The following KAT7 variants were observed in gnomAD, a reference collection of about 807,000 sequenced individuals.
KAT7 encodes histone acetyltransferase KAT7.
KAT7 carries 10 observed loss-of-function variants against 82.1 expected under a neutral mutation model. That is an observed-to-expected ratio of 0.12 (90% CI 0.08 to 0.21). The LOEUF (loss-of-function observed/expected upper bound fraction) is 0.21. KAT7 is among the 10% of genes least tolerant of loss of function. The pLI, the probability that KAT7 is intolerant of heterozygous loss-of-function variation, is 1.00. For synonymous variants in KAT7, 250 were observed against 262.5 expected (o/e 0.95, Z 0.46); for missense variants, 378 against 760.9 (o/e 0.50, Z 5.92).
chr17:49,791,924 C>A lies in KAT7; in HGVS notation c.54C>A (p.Ser18=). The A allele has an allele frequency of 6.2e-7, 1 of 1,614,132 alleles. No individual in the cohort carries two copies. Among genetic ancestry groups the A allele is most frequent in the Non-Finnish European group, 8.5e-7 (1 of 1,179,976 alleles). ...GTAGTTCAGATGGAACCGAAGATTCCGATTTTTCTACAGATCTCGAGCACA... is the reference window on the plus strand; with the variant it reads ...GTAGTTCAGATGGAACCGAAGATTCAGATTTTTCTACAGATCTCGAGCACA... The part of the protein sequence containing the change: ...AGSSSDGTED[S]DFSTDLEHTD... Residue 18 remains serine (S), a synonymous_variant, in exon 2 of 15, where the codon TCC becomes TCA. Coordinates refer to ENST00000259021, the MANE Select transcript of KAT7 (RefSeq NM_007067.5).
Position 49,803,429 on chromosome 17 carries a change from T to A in KAT7, c.581-1934T>A, listed in dbSNP as rs139501706. Among the ~76,000 whole-genome samples the A allele has an allele frequency of 1.5e-3, 232 of 151,314 alleles. 1 individual carries two copies. Among genetic ancestry groups the A allele is most frequent in the East Asian group, 4.5e-3 (23 of 5,114 alleles). ...TTGCATTTTTAAAATTTATTTATTTTATTTTATTTTTTTGAGATGGAGTCT... is the reference window on the plus strand; with the variant it reads ...TTGCATTTTTAAAATTTATTTATTTAATTTTATTTTTTTGAGATGGAGTCT... On this transcript the variant is annotated intron_variant, in intron 4 of 14. Coordinates refer to ENST00000259021, the MANE Select transcript of KAT7 (RefSeq NM_007067.5).
chr17:49,809,045 C>T, intron 5 of KAT7, 74 bp from the exon 6 acceptor site: 1 of 1,122,884 alleles, frequency 8.9e-7, no homozygotes, highest in South Asian at 1.3e-5. Context: ...AAGGCATTAT[C>T]ATTGTATTCT....
intron 1 of KAT7, among the ~76,000 whole-genome samples, chr17:49,790,497 G>A (rs1285664503): frequency 6.6e-6 from 1 of 151,950 alleles, no homozygotes; most frequent in East Asian, 1.9e-4. Flanking sequence ...ACGCCCGGCC[G>A]GTGGTATGTA....
chr17:49,809,262 A>G (rs1474155091), intron 6 of KAT7, 54 bp downstream of exon 6: 2 of 1,302,752 alleles, frequency 1.5e-6, no homozygotes. Flanking sequence ...CGTTTCTTGG[A>G]TCTCCTCTAT....
chr17:49,805,419 C>A lies in KAT7; in HGVS notation c.637C>A (p.His213Asn). ...CTCCATCTCAGGATGCCCACTGTAT[C>A]ATAACCTCTCAGCTGACGAATGCAA... ...HFSISGCPLYHNLSADECKVR... is the reference protein window; with the variant it reads ...HFSISGCPLYNNLSADECKVR... Residue 213 changes from histidine to asparagine, a missense_variant, in exon 5 of 15, where the codon CAT (histidine) becomes AAT (asparagine). Coordinates refer to ENST00000259021, the MANE Select transcript of KAT7 (RefSeq NM_007067.5). 1.2e-6 allele frequency: 2 copies of A among 1,612,218 alleles called. No homozygotes were observed. Among genetic ancestry groups the A allele is most frequent in the Non-Finnish European group, 8.5e-7 (1 of 1,178,324 alleles).
intron 13 of KAT7, 53 bp downstream of exon 13, chr17:49,826,199 A>G (rs1235883252): frequency 6.5e-6 from 10 of 1,542,480 alleles, no homozygotes; most frequent in African/African-American, 4.1e-5. Flanking sequence ...AGTTAACTCT[A>G]CTGGGTATTG....
chr17:49,812,864 G>A (rs999233660), intron 7 of KAT7, among the ~76,000 whole-genome samples: 23 of 151,140 alleles, frequency 1.5e-4, no homozygotes, highest in Non-Finnish European at 2.5e-4. Flanking sequence ...CACCACACCC[G>A]GCTAATTTTT....
chr17:49,822,839 AC>A (rs1042972844), intron 11 of KAT7, among the ~76,000 whole-genome samples: 1 of 152,088 alleles, frequency 6.6e-6, no homozygotes, highest in Non-Finnish European at 1.5e-5. Context: ...ATGGGGACTT[AC>A]AGTGGTGTTT....
intron 7 of KAT7, among the ~76,000 whole-genome samples, chr17:49,812,377 A>C (rs2074178376): frequency 6.6e-6 from 1 of 151,046 alleles, no homozygotes; most frequent in South Asian, 2.1e-4. Context: ...GACATGTGCC[A>C]CCACGCCCAG....
rs1204827269 is a variant in KAT7, at chr17:49,834,548, CTT to C, written c.*7048_*7049del. The C allele has an allele frequency of 6.6e-6, 1 of 152,256 alleles. No individual in the cohort carries two copies. Among genetic ancestry groups the C allele is most frequent in the Non-Finnish European group, 1.5e-5 (1 of 68,050 alleles). 9.4% of individuals were successfully genotyped at this position (152,256 alleles called of 1,614,324 possible). On this transcript the variant is annotated 3_prime_UTR_variant, in exon 15 of 15. Coordinates refer to ENST00000259021, the MANE Select transcript of KAT7 (RefSeq NM_007067.5). ...TTCATGTTTATCCTGGCTTTCAAGT[CTT>C]TCCGTAAGCTGACTCAACCTACATA...
At chr17:49,810,892 G>A (rs1248769484) in intron 6 of KAT7, among the ~76,000 whole-genome samples, 1 of 152,086 alleles carries the variant, frequency 6.6e-6, no homozygotes, top group South Asian at 2.1e-4. Flanking sequence ...CCAGTTACAT[G>A]GAAGACTGAG....
Position 49,788,758 on chromosome 17 carries a change from C to G in KAT7, c.-77C>G. The G allele has an allele frequency of 6.6e-7, 1 of 1,506,646 alleles. No homozygotes were observed. Among genetic ancestry groups the G allele is most frequent in the Non-Finnish European group, 9.0e-7 (1 of 1,114,688 alleles). The allele number at this position is 1,506,646 out of a possible 1,614,324, so 93.3% of individuals were successfully genotyped here. ...ATTGGGACTGATACAGAGGCCGCCACGGAGCCCGCCGGAGCCACCGTTCCT... is the reference window on the plus strand; with the variant it reads ...ATTGGGACTGATACAGAGGCCGCCAGGGAGCCCGCCGGAGCCACCGTTCCT... On this transcript the variant is annotated 5_prime_UTR_variant, in exon 1 of 15. Transcript: ENST00000259021.
chr17:49,820,460 G>A (rs2074288673), intron 9 of KAT7, among the ~76,000 whole-genome samples: 1 of 152,036 alleles, frequency 6.6e-6, no homozygotes, highest in Admixed American at 6.6e-5. Flanking sequence ...TGTATTTTTA[G>A]TAGAGACGGG....
rs1489353235 is a variant in KAT7 at position 49,821,408 on chromosome 17, G to A, written c.1227G>A (p.Val409=). 6.2e-7 allele frequency: 1 copy of A among 1,613,486 alleles called. No homozygotes were observed. Among genetic ancestry groups the A allele is most frequent in the Non-Finnish European group, 8.5e-7 (1 of 1,179,838 alleles). ...YRKGSISVFE[V]DGKKNKIYCQ... ...AAGGTTCAATCTCTGTGTTTGAAGTGGATGGCAAGAAAAACAAGGTAAAAA... is the reference window on the plus strand; with the variant it reads ...AAGGTTCAATCTCTGTGTTTGAAGTAGATGGCAAGAAAAACAAGGTAAAAA... Residue 409 remains valine (V), a synonymous_variant, in exon 10 of 15, where the codon GTG becomes GTA. Transcript: ENST00000259021.
chr17:49,824,738 T>A (rs2074348235), intron 12 of KAT7: 1 of 152,218 alleles, frequency 6.6e-6, no homozygotes. Context: ...TATCTTTGAA[T>A]AGGTAACACT....
intron 5 of KAT7, among the ~76,000 whole-genome samples, chr17:49,807,921 G>A (rs1338411455): frequency 6.6e-6 from 1 of 152,024 alleles, no homozygotes; most frequent in Non-Finnish European, 1.5e-5. Context: ...GGAAGATTTG[G>A]GGTAGAGCAG....
intron 7 of KAT7, 45 bp downstream of exon 7, chr17:49,811,619 A>C: frequency 1.0e-6 from 1 of 979,328 alleles, no homozygotes; most frequent in East Asian, 2.8e-5. Context: ...TCCTGCTATC[A>C]CATTTGATTC....
chr17:49,800,496 T>C (rs995444680), intron 4 of KAT7, among the ~76,000 whole-genome samples: 6 of 152,226 alleles, frequency 3.9e-5, no homozygotes, highest in African/African-American at 1.4e-4. Flanking sequence ...GATGATATGA[T>C]GGCTAATGTG....
intron 1 of KAT7, 181 bp downstream of exon 1, chr17:49,789,030 C>A (rs1205328244): frequency 2.1e-6 from 1 of 479,450 alleles, no homozygotes; most frequent in East Asian, 3.5e-5. Flanking sequence ...TGGCCTCGGC[C>A]TATGCTTGCA....
Sources: allele counts gnomAD v4.1 joint callset (sites outside exome capture counted in the v4.1 genomes callset), GRCh38; gene constraint gnomAD v4.1.1; transcripts MANE v1.5; gene names NCBI Gene and HGNC (gene_info 2026-07-23, HGNC 2026-07-21).